Variants in SLIT1 observed in about 807,000 individuals in gnomAD.
SLIT1 encodes the protein slit homolog 1 protein.
A neutral mutation model predicts 186.1 loss-of-function variants in SLIT1; 66 were observed. That is an observed-to-expected ratio of 0.35 (90% CI 0.29 to 0.44). The LOEUF is 0.44. Ranked by LOEUF, SLIT1 falls within the 20% of genes least tolerant of loss-of-function variation. SLIT1 has a pLI of 1.00. For synonymous variants in SLIT1, 761 were observed against 833.8 expected, an observed-to-expected ratio of 0.91 and a Z score of 1.50; for missense variants, 1,638 against 2,037.4, an observed-to-expected ratio of 0.80 and a Z score of 3.77.
rs535023009 is a variant in SLIT1 at position 97,017,256 on chromosome 10, C to T, written c.2969+1330G>A. On this transcript the variant is annotated intron_variant, in intron 28 of 36. Transcript: ENST00000266058. Reference sequence around the variant, plus strand: ...GGAGGCTGGGTGCAGAGTGTAAGGACGCCGTTTCCAAGGCAACCAGGGGAA... The same window carrying T: ...GGAGGCTGGGTGCAGAGTGTAAGGATGCCGTTTCCAAGGCAACCAGGGGAA... 4.6e-5 allele frequency among the ~76,000 whole-genome samples: 7 copies of T among 152,250 alleles called. No homozygotes were observed. In the South Asian group the frequency reaches 6.2e-4, roughly 14 times the overall value.
chr10:97,063,849 A>G (rs1333015341), intron 7 of SLIT1, among the ~76,000 whole-genome samples: 1 of 152,122 alleles, frequency 6.6e-6, no homozygotes, highest in Non-Finnish European at 1.5e-5. Context: ...CTGGACCGGA[A>G]TGTACCCAGC....
chr10:97,079,469 T>C (rs1192627945), intron 4 of SLIT1, among the ~76,000 whole-genome samples: 1 of 152,244 alleles, frequency 6.6e-6, no homozygotes, highest in Non-Finnish European at 1.5e-5. Context: ...TGGGAAGCAC[T>C]GATTCCAGCA....
chr10:97,003,908 G>T (rs939697982), intron 34 of SLIT1, among the ~76,000 whole-genome samples, 160 bp downstream of exon 34: 14 of 152,242 alleles, frequency 9.2e-5, no homozygotes, highest in Non-Finnish European at 1.6e-4. Context: ...GCAGAGAGCA[G>T]CTGGGCTCCA....
chr10:97,062,938 G>T (rs1054210294), intron 8 of SLIT1, among the ~76,000 whole-genome samples: 1 of 152,218 alleles, frequency 6.6e-6, no homozygotes, highest in African/African-American at 2.4e-5. Flanking sequence ...GAAAGGGTGT[G>T]GGCTTTGAGG....
At chr10:97,128,736 T>C (rs1407641226) in intron 4 of SLIT1, among the ~76,000 whole-genome samples, 5 of 152,160 alleles carry the variant, frequency 3.3e-5, no homozygotes, top group South Asian at 4.1e-4. Flanking sequence ...AAGAGCAAGA[T>C]GAAGAGGAAA....
At chr10:97,067,946 C>G (rs1293628048) in intron 4 of SLIT1, among the ~76,000 whole-genome samples, 1 of 152,170 alleles carries the variant, frequency 6.6e-6, no homozygotes, top group Non-Finnish European at 1.5e-5. Context: ...TCAAGGCCGC[C>G]GCTGCCCTGT....
chr10:97,152,227 G>T (rs1362172647), intron 4 of SLIT1, among the ~76,000 whole-genome samples: 1 of 152,094 alleles, frequency 6.6e-6, no homozygotes, highest in Non-Finnish European at 1.5e-5. Context: ...CCTCCTCAGG[G>T]TGTCTCTGCA....
chr10:97,036,196 C>A (rs1380550439), intron 22 of SLIT1, among the ~76,000 whole-genome samples: 1 of 152,186 alleles, frequency 6.6e-6, no homozygotes, highest in African/African-American at 2.4e-5. Context: ...AATTCTAAAT[C>A]ATTCCACTGT....
intron 4 of SLIT1, among the ~76,000 whole-genome samples, chr10:97,092,523 T>C (rs1000736684): frequency 2.0e-5 from 3 of 152,222 alleles, no homozygotes; most frequent in Non-Finnish European, 2.9e-5. Context: ...GAGACCTATA[T>C]ACCTACATGA....
intron 4 of SLIT1, among the ~76,000 whole-genome samples, chr10:97,079,156 T>C (rs114597685): frequency 5.4e-4 from 82 of 152,264 alleles, no homozygotes; most frequent in African/African-American, 1.8e-3. Context: ...GTTAATCACA[T>C]CTCCCTCTTG....
intron 25 of SLIT1, among the ~76,000 whole-genome samples, chr10:97,025,428 C>CTGAAT (rs1464624219): frequency 5.9e-5 from 9 of 152,248 alleles, no homozygotes; most frequent in Non-Finnish European, 1.3e-4. Context: ...CTCTGAGCCA[C>CTGAAT]ACCTGAATTC....
intron 20 of SLIT1, among the ~76,000 whole-genome samples, chr10:97,041,761 G>T (rs999951367): frequency 2.0e-5 from 3 of 152,120 alleles, no homozygotes; most frequent in Non-Finnish European, 4.4e-5. Flanking sequence ...ATGAGCCTCC[G>T]CGCCTGGCCT....
Position 97,002,150 on chromosome 10 carries a change from C to A in SLIT1, c.4366+8G>T. On this transcript the variant is annotated splice_region_variant and intron_variant, in intron 36 of 36. Transcript: ENST00000266058. ...TGGGGAGGGCACGTCAGGAGGGGGG[C>A]CCCTGACCTTGCTCACACAGCTCGC... The A allele has an allele frequency of 7.0e-7, 1 of 1,431,456 alleles. No homozygotes were observed. The highest frequency in any genetic ancestry group is 1.5e-5 in the South Asian group (1 of 65,454). 88.7% of individuals were successfully genotyped at this position (1,431,456 alleles called of 1,614,324 possible).
Position 97,021,287 on chromosome 10 carries a change from C to T in SLIT1, c.2709G>A (p.Leu903=). 2 of 1,614,192 alleles carry T rather than the reference C, an allele frequency of 1.2e-6. No individual in the cohort carries two copies. The highest frequency in any genetic ancestry group is 1.7e-6 in the Non-Finnish European group (2 of 1,180,014). The part of the protein sequence containing the change: ...CAGPQDMEGK[L]LLTTPAKKFE... ...ACTTCTTGGCAGGCGTGGTGAGGAGCAGCTTGCCCTCCATGTCCTGGGGCC... is the reference window on the plus strand; with the variant it reads ...ACTTCTTGGCAGGCGTGGTGAGGAGTAGCTTGCCCTCCATGTCCTGGGGCC... Residue 903 remains leucine, a synonymous_variant, in exon 26 of 37, where the codon CTG becomes CTA. Transcript: ENST00000266058. This position sits in a 1 kb window ranked among gnomAD's most constrained non-coding sequence, Gnocchi z 4.5.
rs1848306329 is a variant in SLIT1, at chr10:97,001,309, C to G, written c.4408G>C (p.Val1470Leu). The G allele has an allele frequency of 6.2e-7, 1 of 1,613,198 alleles. No individual in the cohort carries two copies. Among genetic ancestry groups the G allele is most frequent in the Non-Finnish European group, 8.5e-7 (1 of 1,179,996 alleles). The change falls in exon 37 of 37, where the codon GTC becomes CTC. Residue 1470 changes from valine to leucine, a missense_variant. Physicochemically the swap from Val to Leu is conservative, Grantham distance 32. This residue lies in a region of SLIT1 where 220 missense variants were observed against 211.3 expected (regional missense o/e 1.04). Coordinates refer to ENST00000266058, the MANE Select transcript of SLIT1 (RefSeq NM_003061.3). Reference protein sequence around the residue: ...RGDPVRDFHQVQRGYAICQTT... With the variant: ...RGDPVRDFHQLQRGYAICQTT... ...TGGCAGATGGCATAGCCCCTCTGGA[C>G]CTGGTGAAAGTCCCGGACAGGGTCC...
chr10:97,086,339 G>A (rs1377771811), intron 4 of SLIT1, among the ~76,000 whole-genome samples: 1 of 152,224 alleles, frequency 6.6e-6, no homozygotes, highest in Non-Finnish European at 1.5e-5. Context: ...GGAGGCTGAG[G>A]CGGGTGGATC....
Position 97,057,137 on chromosome 10 carries a change from G to A in SLIT1, c.1157+73C>T, listed in dbSNP as rs1589377327. Reference sequence around the variant, plus strand: ...CCCATACCCAAGAGAGGCCTAAAGGGACAGTCTAGCAGGCCAGAGGAAAGC... The same window carrying A: ...CCCATACCCAAGAGAGGCCTAAAGGAACAGTCTAGCAGGCCAGAGGAAAGC... On this transcript the variant is annotated intron_variant, in intron 12 of 36. Coordinates refer to ENST00000266058, the MANE Select transcript of SLIT1 (RefSeq NM_003061.3). 1.2e-5 allele frequency: 14 copies of A among 1,216,590 alleles called. No individual in the cohort carries two copies. The East Asian group carries it at 3.3e-4, about 28-fold the overall frequency. 75.4% of individuals were successfully genotyped at this position (1,216,590 alleles called of 1,614,324 possible).
intron 4 of SLIT1, among the ~76,000 whole-genome samples, chr10:97,112,185 T>A (rs540684460): frequency 6.6e-6 from 1 of 152,304 alleles, no homozygotes; most frequent in East Asian, 1.9e-4. Flanking sequence ...AGCCCAGCAG[T>A]GATGCCCCCT....
At chr10:97,126,325 A>G (rs1325095417) in intron 4 of SLIT1, among the ~76,000 whole-genome samples, 1 of 152,240 alleles carries the variant, frequency 6.6e-6, no homozygotes, top group Admixed American at 6.5e-5. Flanking sequence ...CGAAGACCCC[A>G]CGGGGTGAAC....
Sources: allele counts gnomAD v4.1 joint callset (sites outside exome capture counted in the v4.1 genomes callset), GRCh38; gene constraint gnomAD v4.1.1; regional missense constraint gnomAD v4.1.1; non-coding constraint Gnocchi (gnomAD v3.1); transcripts MANE v1.5; gene names NCBI Gene and HGNC (gene_info 2026-07-23, HGNC 2026-07-21).